MAF: variants seen among roughly 807,000 people sequenced by gnomAD.
MAF encodes transcription factor Maf.
Under a neutral mutation model 22.0 loss-of-function variants are expected in MAF, and 10 were observed. The observed-to-expected ratio is 0.45, with a 90% CI of 0.28 to 0.77. The LOEUF (loss-of-function observed/expected upper bound fraction) is 0.77. Ranked by LOEUF, MAF falls within the 30% of genes least tolerant of loss-of-function variation. The probability of loss-of-function intolerance (pLI) is 0.12; values close to 1 mark genes in which losing one functional copy is unlikely to be tolerated. For missense variants in MAF, 544 were observed against 548.4 expected, an observed-to-expected ratio of 0.99 and a Z score of 0.08; for synonymous variants, 337 against 255.8, an observed-to-expected ratio of 1.32 and a Z score of -3.03.
the MAF span, among the ~76,000 whole-genome samples, chr16:79,529,595 T>C: frequency 6.6e-6 from 1 of 152,230 alleles, no homozygotes; most frequent in Non-Finnish European, 1.5e-5. Flanking sequence ...TATGGATACG[T>C]GTCAGCAGGT....
the MAF span, among the ~76,000 whole-genome samples, chr16:79,337,862 G>T: frequency 6.6e-6 from 1 of 152,154 alleles, no homozygotes; most frequent in African/African-American, 2.4e-5. Flanking sequence ...CAAGTAAATG[G>T]AATCGTGGCT....
the MAF span, among the ~76,000 whole-genome samples, chr16:79,384,348 G>C: frequency 1.3e-5 from 2 of 151,652 alleles, no homozygotes; most frequent in African/African-American, 4.9e-5. Flanking sequence ...GGGAGGCCAA[G>C]GCAGGAGAAT....
intron 1 of MAF, among the ~76,000 whole-genome samples, chr16:79,587,824 G>A (rs768410877): frequency 9.8e-5 from 14 of 142,376 alleles, no homozygotes; most frequent in Non-Finnish European, 1.7e-4. Flanking sequence ...CTACTCTCTG[G>A]CCATCTGGGG....
the MAF span, among the ~76,000 whole-genome samples, chr16:79,559,138 G>A: frequency 7.2e-5 from 11 of 152,104 alleles, no homozygotes; most frequent in African/African-American, 1.4e-4. Flanking sequence ...GACACTGGCC[G>A]TGGTTTGGGC....
downstream of MAF, among the ~76,000 whole-genome samples, chr16:79,593,378 C>T (rs946092349): frequency 6.6e-5 from 10 of 152,102 alleles, no homozygotes; most frequent in Non-Finnish European, 1.2e-4. Context: ...GTGAGGGTGA[C>T]CATGATCTGT....
At chr16:79,226,944 T>C in the MAF span, among the ~76,000 whole-genome samples, 1 of 152,080 alleles carries the variant, frequency 6.6e-6, no homozygotes, top group African/African-American at 2.4e-5. Flanking sequence ...AGAAATGGAA[T>C]GGCTTGTAAG....
chr16:79,203,421 C>T, the MAF span: 2 of 151,948 alleles, frequency 1.3e-5, no homozygotes, highest in Non-Finnish European at 2.9e-5. Context: ...AAAGTACATC[C>T]TCTTAATTTG....
chr16:79,484,010 G>A, the MAF span, among the ~76,000 whole-genome samples: 1 of 152,164 alleles, frequency 6.6e-6, no homozygotes, highest in Non-Finnish European at 1.5e-5. Context: ...GATGGAGTGA[G>A]GGCAAGGGAT....
chr16:79,312,352 C>T, the MAF span, among the ~76,000 whole-genome samples: 11 of 152,174 alleles, frequency 7.2e-5, no homozygotes, highest in Non-Finnish European at 1.2e-4. Context: ...GCATTAAATA[C>T]GAAAGCAGAG....
In MAF at chr16:79,599,539, G is replaced by A; in HGVS notation, c.364C>T (p.His122Tyr). ...DAVEALISNSHQLQGGFDGYA... is the reference protein window; with the variant it reads ...DAVEALISNSYQLQGGFDGYA... The stretch of plus-strand genomic sequence containing the variant: ...CCATCGAAGCCGCCCTGGAGCTGGT[G>A]GCTGTTGCTGATGAGCGCCTCGACC... Residue 122 changes from histidine (H) to tyrosine (Y), a missense_variant, in exon 1 of 2, where the codon CAC becomes TAC. His to Tyr is a moderately conservative substitution (Grantham distance 83, BLOSUM62 2). Around this residue, in one of 5 missense-constraint regions of MAF, gnomAD observed 342 missense variants for 315.5 expected, o/e 1.08. Coordinates refer to ENST00000326043, the MANE Select transcript of MAF (RefSeq NM_005360.5). 1 of 1,564,304 alleles carries A rather than the reference G, an allele frequency of 6.4e-7. No individual in the cohort carries two copies. The highest frequency in any genetic ancestry group is 8.7e-7 in the Non-Finnish European group (1 of 1,155,056).
chr16:79,347,050 A>C, the MAF span, among the ~76,000 whole-genome samples: 1 of 152,180 alleles, frequency 6.6e-6, no homozygotes, highest in African/African-American at 2.4e-5. Flanking sequence ...ACCCTGAGAA[A>C]GCTCCTTAAC....
the MAF span, among the ~76,000 whole-genome samples, chr16:79,542,464 T>A: frequency 6.6e-6 from 1 of 152,154 alleles, no homozygotes. Flanking sequence ...CCCAGGGACA[T>A]GGCCTATGGC....
the MAF span, among the ~76,000 whole-genome samples, chr16:79,432,587 T>C: frequency 6.6e-6 from 1 of 152,100 alleles, no homozygotes; most frequent in Non-Finnish European, 1.5e-5. Flanking sequence ...AAAACAAAAC[T>C]GCAGATAAGG....
chr16:79,537,967 A>G, the MAF span, among the ~76,000 whole-genome samples: 15 of 152,352 alleles, frequency 9.8e-5, no homozygotes, highest in South Asian at 1.4e-3. Flanking sequence ...TCAAGTGGAT[A>G]AAATAACTTT....
chr16:79,256,455 A>C, the MAF span, among the ~76,000 whole-genome samples: 4 of 152,116 alleles, frequency 2.6e-5, no homozygotes, highest in Non-Finnish European at 4.4e-5. Context: ...CACATTCAGG[A>C]CTCATACTCA....
rs1232710510 is a variant in MAF, at chr16:79,600,143, C to G, written c.-241G>C. 1.7e-5 allele frequency: 8 copies of G among 483,628 alleles called. No homozygotes were observed. Among genetic ancestry groups the G allele is most frequent in the Non-Finnish European group, 2.5e-5 (7 of 277,804 alleles). The allele number at this position is 483,628 out of a possible 1,614,324, so 30.0% of individuals were successfully genotyped here. A position where few individuals can be genotyped will look rare whatever the true frequency, so the allele number is the denominator to read the frequency against. ...CTGCTCACGCCAATGTGCTCCCTCG[C>G]TCGCCCCGGCCCCTCCTTGCTCGCT... On this transcript the variant is annotated 5_prime_UTR_variant, in exon 1 of 2. Coordinates refer to ENST00000326043, the MANE Select transcript of MAF (RefSeq NM_005360.5).
chr16:79,242,183 A>G, the MAF span, among the ~76,000 whole-genome samples: 1 of 151,974 alleles, frequency 6.6e-6, no homozygotes, highest in African/African-American at 2.4e-5. Context: ...AAATTCACAC[A>G]TAACAGTATT....
chr16:79,325,107 C>T, the MAF span, among the ~76,000 whole-genome samples: 1 of 152,150 alleles, frequency 6.6e-6, no homozygotes, highest in Non-Finnish European at 1.5e-5. Flanking sequence ...ACTTGAGACC[C>T]TTAATTTCAT....
the MAF span, among the ~76,000 whole-genome samples, chr16:79,404,960 G>A: frequency 5.3e-5 from 8 of 152,280 alleles, no homozygotes; most frequent in African/African-American, 1.9e-4. Flanking sequence ...GGTGTTTACA[G>A]ATTACAGATG....
Sources: allele counts gnomAD v4.1 joint callset (sites outside exome capture counted in the v4.1 genomes callset), GRCh38; gene constraint gnomAD v4.1.1; regional missense constraint gnomAD v4.1.1; transcripts MANE v1.5; gene names NCBI Gene and HGNC (gene_info 2026-07-23, HGNC 2026-07-21).